Variants in MS4A4A observed in about 807,000 individuals in gnomAD.
MS4A4A encodes the protein membrane spanning 4-domains A4A.
Under a neutral mutation model 28.0 loss-of-function variants are expected in MS4A4A, and 26 were observed. The observed-to-expected ratio is 0.93, with a 90% CI of 0.68 to 1.29. The LOEUF is 1.29. Among genes scored for constraint, MS4A4A ranks in the 50% most tolerant of loss-of-function variants. MS4A4A has a pLI of 0.00. For synonymous variants in MS4A4A, 86 were observed against 100.8 expected (o/e 0.85, Z 0.88); for missense variants, 290 against 293.1 (o/e 0.99, Z 0.08).
At chr11:60,291,806 A>AC (rs1202472886) in intron 1 of MS4A4A, among the ~76,000 whole-genome samples, 2 of 151,540 alleles carry the variant, frequency 1.3e-5, no homozygotes, top group African/African-American at 2.4e-5. Context: ...CAAAAAAAAA[A>AC]AACAAAAAAA....
intron 3 of MS4A4A, among the ~76,000 whole-genome samples, chr11:60,298,419 A>G (rs2084923958): frequency 6.6e-6 from 1 of 152,232 alleles, no homozygotes; most frequent in Non-Finnish European, 1.5e-5. Context: ...TACTTCATAT[A>G]TCCAAAAATA....
At chr11:60,306,426 T>C (rs996278931) in intron 6 of MS4A4A, among the ~76,000 whole-genome samples, 19 of 152,208 alleles carry the variant, frequency 1.2e-4, no homozygotes, top group African/African-American at 4.3e-4. Context: ...CTGATTCTCT[T>C]CCATACTAAT....
chr11:60,304,411 A>G (rs943501914), intron 5 of MS4A4A, among the ~76,000 whole-genome samples: 9 of 152,238 alleles, frequency 5.9e-5, no homozygotes, highest in African/African-American at 2.2e-4. Flanking sequence ...TCTAAATTAC[A>G]TAGCTGGTCC....
At position 60,287,915 on chromosome 11, in the gene MS4A4A, T is replaced by C. The variant is rs1363568852; in HGVS notation, c.42-4310T>C. On this transcript the variant is annotated intron_variant, in intron 1 of 6. Coordinates refer to ENST00000337908, the MANE Select transcript of MS4A4A (RefSeq NM_148975.3). Reference sequence around the variant, plus strand: ...ATTAAGCTTTAAATCTGGAGAATAATTTCCTTTGATTCTATGTCCTAAATC... The same window carrying C: ...ATTAAGCTTTAAATCTGGAGAATAACTTCCTTTGATTCTATGTCCTAAATC... 3.3e-5 allele frequency among the ~76,000 whole-genome samples: 5 copies of C among 152,226 alleles called. No individual in the cohort carries two copies. The East Asian group carries it at 9.6e-4, about 29-fold the overall frequency.
intron 3 of MS4A4A, among the ~76,000 whole-genome samples, 168 bp downstream of exon 3, chr11:60,297,493 A>G (rs140093713): frequency 6.6e-6 from 1 of 152,192 alleles, no homozygotes; most frequent in African/African-American, 2.4e-5. Flanking sequence ...CAAATAATAT[A>G]GTATTATATT....
chr11:60,304,550 A>G (rs1376147702), intron 5 of MS4A4A, among the ~76,000 whole-genome samples: 1 of 152,204 alleles, frequency 6.6e-6, no homozygotes, highest in African/African-American at 2.4e-5. Flanking sequence ...TAATGGTTCT[A>G]TTCTTGCCTG....
At position 60,280,776 on chromosome 11, in the gene MS4A4A, G is replaced by T. The variant is rs878964033; in HGVS notation, c.41+60G>T. 2.1e-5 allele frequency: 34 copies of T among 1,594,070 alleles called. No homozygotes were observed. The South Asian group carries it at 3.7e-4, about 17-fold the overall frequency. On this transcript the variant is annotated intron_variant, in intron 1 of 6. Coordinates refer to ENST00000337908, the MANE Select transcript of MS4A4A (RefSeq NM_148975.3). ...GCTGATGGCTTGTTTCACTTCCTGG[G>T]TTAAGAATTTCTGGGAGGGGAATGA...
chr11:60,297,605 A>AT lies in MS4A4A; in HGVS notation c.330+282dup, dbSNP rs1486564817. Among the ~76,000 whole-genome samples, 6 of 152,334 alleles carry AT rather than the reference A, an allele frequency of 3.9e-5. No homozygotes were observed. In the South Asian group the frequency reaches 8.3e-4, roughly 21 times the overall value. ...AATGGCTTAAACATTGGAAGCACTG[A>AT]TTATTTCACAACAAGACTAGTGGCT... On this transcript the variant is annotated intron_variant, in intron 3 of 6. Transcript: ENST00000337908.
intron 1 of MS4A4A, among the ~76,000 whole-genome samples, chr11:60,282,356 TAGATGGACTA>T (rs1197244113): frequency 1.3e-5 from 2 of 152,188 alleles, no homozygotes; most frequent in Admixed American, 1.3e-4. Context: ...AGTACACATT[TAGATGGACTA>T]AGAAGAATCA....
At position 60,280,686 on chromosome 11, in the gene MS4A4A, C is replaced by T. The variant is rs1290472912; in HGVS notation, c.11C>T (p.Thr4Ile). Reference protein sequence around the residue: MHQTYSRHCRPEES... With the variant: MHQIYSRHCRPEES... ...TGCCCAGAGCCCTGCATGCATCAGA[C>T]CTACAGCAGACATTGCAGGCCTGAA... Residue 4 changes from threonine to isoleucine, a missense_variant, in exon 1 of 7, where the codon ACC (threonine) becomes ATC (isoleucine). Coordinates refer to ENST00000337908, the MANE Select transcript of MS4A4A (RefSeq NM_148975.3). The T allele has an allele frequency of 1.2e-6, 2 of 1,613,648 alleles. No homozygotes were observed. The highest frequency in any genetic ancestry group is 2.2e-5 in the East Asian group (1 of 44,866).
At chr11:60,307,405 T>A (rs1035311482) in intron 6 of MS4A4A, among the ~76,000 whole-genome samples, 1 of 152,208 alleles carries the variant, frequency 6.6e-6, no homozygotes, top group South Asian at 2.1e-4. Flanking sequence ...CAATTACCAA[T>A]GATTTTATAA....
intron 4 of MS4A4A, among the ~76,000 whole-genome samples, chr11:60,301,911 C>G (rs1337173490): frequency 2.0e-5 from 3 of 152,194 alleles, no homozygotes; most frequent in African/African-American, 7.2e-5. Flanking sequence ...TCCCGAGTAG[C>G]TGGGATCACA....
chr11:60,295,590 G>A (rs1333381778), intron 2 of MS4A4A, among the ~76,000 whole-genome samples: 1 of 152,056 alleles, frequency 6.6e-6, no homozygotes, highest in Admixed American at 6.5e-5. Flanking sequence ...AAAGCTTTGA[G>A]TTTCTCCATT....
chr11:60,284,627 C>T (rs2084787805), intron 1 of MS4A4A, among the ~76,000 whole-genome samples: 1 of 152,192 alleles, frequency 6.6e-6, no homozygotes, highest in Admixed American at 6.5e-5. Flanking sequence ...AGATACAAGA[C>T]TATGCAGAGG....
chr11:60,282,745 A>T, intron 1 of MS4A4A: 1 of 1,258,812 alleles, frequency 7.9e-7, no homozygotes, highest in Non-Finnish European at 1.0e-6. Context: ...TCGAGGTAAG[A>T]CTACAATAGA....
At chr11:60,305,331 G>A (rs1479293564) in intron 5 of MS4A4A, among the ~76,000 whole-genome samples, 1 of 152,202 alleles carries the variant, frequency 6.6e-6, no homozygotes, top group Non-Finnish European at 1.5e-5. Context: ...GTTTCTGGAG[G>A]TTAGAAGTTC....
At chr11:60,285,500 G>C (rs2084795847) in intron 1 of MS4A4A, among the ~76,000 whole-genome samples, 1 of 151,724 alleles carries the variant, frequency 6.6e-6, no homozygotes, top group Non-Finnish European at 1.5e-5. Context: ...TAGTTTATTG[G>C]AGGAACCAGT....
intron 1 of MS4A4A, among the ~76,000 whole-genome samples, chr11:60,289,156 T>G (rs1450939285): frequency 6.6e-6 from 1 of 152,166 alleles, no homozygotes; most frequent in Non-Finnish European, 1.5e-5. Flanking sequence ...TAGCAGTGAT[T>G]CGTTTCCAAG....
chr11:60,301,409 C>T (rs1487077590), intron 4 of MS4A4A, among the ~76,000 whole-genome samples: 1 of 152,046 alleles, frequency 6.6e-6, no homozygotes, highest in African/African-American at 2.4e-5. Context: ...TTTACTGACC[C>T]ATTGATTATA....
Sources: gnomAD v4.1 joint callset for allele counts (sites outside exome capture counted in the v4.1 genomes callset) on GRCh38, gnomAD v4.1.1 for gene constraint, MANE v1.5 for transcripts, NCBI Gene and HGNC (gene_info 2026-07-23, HGNC 2026-07-21) for gene names.